The following VILL variants were observed in gnomAD, a reference collection of about 807,000 sequenced individuals.
VILL encodes the protein villin like.
VILL carries 102 observed loss-of-function variants against 106.3 expected under a neutral mutation model. The ratio of observed to expected loss-of-function variants is 0.96; its 90% CI spans 0.82 to 1.13. The LOEUF is 1.13. VILL is among the 50% of genes most tolerant of loss of function. VILL has a pLI of 0.00. For synonymous variants in VILL, 431 were observed against 440.3 expected, an observed-to-expected ratio of 0.98 and a Z score of 0.27; for missense variants, 1,076 against 1,116.6, an observed-to-expected ratio of 0.96 and a Z score of 0.52.
At chr3:37,993,459 A>G in intron 1 of VILL, 128 bp from the exon 2 acceptor site, 3 of 576,186 alleles carry the variant, frequency 5.2e-6, no homozygotes, top group Non-Finnish European at 9.2e-6. Flanking sequence ...GTTTATGCCT[A>G]ATCTGCCCAA....
intron 15 of VILL, 116 bp from the exon 16 acceptor site, chr3:38,004,139 G>GGCC: frequency 7.1e-7 from 1 of 1,405,382 alleles, no homozygotes; most frequent in East Asian, 2.4e-5. Flanking sequence ...CTCAGAGGAG[G>GGCC]GCCCAGGGCT....
chr3:37,999,145 C>T (rs892084530), intron 10 of VILL, 95 bp downstream of exon 10: 72 of 51,664 alleles, frequency 1.4e-3, no homozygotes, highest in Middle Eastern at 4.1e-3. Flanking sequence ...GGTGAGCGGG[C>T]GGGGCGGGGC....
chr3:37,994,448 A>G lies in VILL; in HGVS notation c.323A>G (p.Tyr108Cys). Reference sequence around the variant, plus strand: ...CACGAGTCCGACTGCTTCTGCAGCTACTTCCGCCCGGGAATCATGTGAGTG... The same window carrying G: ...CACGAGTCCGACTGCTTCTGCAGCTGCTTCCGCCCGGGAATCATGTGAGTG... ...QGHESDCFCS[Y>C]FRPGIIYRKG... Residue 108 changes from tyrosine (Y) to cysteine (C), a missense_variant, in exon 4 of 20, where the codon TAC (tyrosine) becomes TGC (cysteine). Physicochemically the swap from Tyr to Cys is radical, Grantham distance 194. Transcript: ENST00000383759. The G allele has an allele frequency of 6.2e-7, 1 of 1,612,462 alleles. No homozygotes were observed. The highest frequency in any genetic ancestry group is 8.5e-7 in the Non-Finnish European group (1 of 1,179,810).
chr3:37,994,824 TG>T (rs1367066085), intron 4 of VILL, among the ~76,000 whole-genome samples: 3 of 152,280 alleles, frequency 2.0e-5, no homozygotes, highest in Admixed American at 2.0e-4. Flanking sequence ...CTTCCGGGCA[TG>T]TCATAGAAAT....
intron 13 of VILL, 161 bp downstream of exon 13, chr3:38,002,021 C>A: frequency 8.2e-7 from 1 of 1,218,488 alleles, no homozygotes; most frequent in Non-Finnish European, 1.1e-6. Flanking sequence ...AAGGTTGGCC[C>A]CCTGCCTGAG....
In VILL at chr3:37,993,664, T is replaced by C. The variant is rs371390712; in HGVS notation, c.-9T>C. 2.6e-5 allele frequency: 42 copies of C among 1,613,632 alleles called. No individual in the cohort carries two copies. The African/African-American group carries it at 5.3e-4, about 21-fold the overall frequency. On this transcript the variant is annotated 5_prime_UTR_variant, in exon 2 of 20. Coordinates refer to ENST00000383759, the MANE Select transcript of VILL (RefSeq NM_015873.4). ...CCTTGTGTCGTCCCATATTCCTGCC[T>C]GGCCTGCGATGGACATCAGCAAGGG... is the stretch of plus-strand genomic sequence containing the variant.
chr3:38,006,440 T>C lies in VILL; in HGVS notation c.2206-9T>C, dbSNP rs1445551617. On this transcript the variant is annotated splice_polypyrimidine_tract_variant and intron_variant, in intron 18 of 19. Coordinates refer to ENST00000383759, the MANE Select transcript of VILL (RefSeq NM_015873.4). ...CATCTTCCCCAGCCTGAGGCTCCTC[T>C]CTGGACAGGAAGTCAACAACTTGCG... is the stretch of plus-strand genomic sequence containing the variant. The C allele has an allele frequency of 7.5e-6, 12 of 1,592,752 alleles. No individual in the cohort carries two copies. Among genetic ancestry groups the C allele is most frequent in the African/African-American group, 4.0e-5 (3 of 74,460 alleles).
Position 37,997,740 on chromosome 3 carries a change from C to A in VILL, c.764+55C>A. Reference sequence around the variant, plus strand: ...GTGGGACAGTCCAGGACTCTGTGTCCATCACTACTGCAATAACACGGCATC... The same window carrying A: ...GTGGGACAGTCCAGGACTCTGTGTCAATCACTACTGCAATAACACGGCATC... On this transcript the variant is annotated intron_variant, in intron 7 of 19. Coordinates refer to ENST00000383759, the MANE Select transcript of VILL (RefSeq NM_015873.4). The surrounding 1 kb of genome is among the most constrained non-coding windows in gnomAD (Gnocchi z 4.7). The A allele has an allele frequency of 6.4e-7, 1 of 1,550,506 alleles. No individual in the cohort carries two copies. The highest frequency in any genetic ancestry group is 8.7e-7 in the Non-Finnish European group (1 of 1,144,524).
chr3:38,005,720 G>A (rs9311175), intron 16 of VILL, 72 bp from the exon 17 acceptor site: 2 of 1,494,210 alleles, frequency 1.3e-6, no homozygotes, highest in East Asian at 2.3e-5. Flanking sequence ...ACTGGACAGG[G>A]AGTGGACAGG....
intron 15 of VILL, 62 bp downstream of exon 15, chr3:38,003,375 G>C: frequency 3.3e-5 from 49 of 1,485,548 alleles, no homozygotes; most frequent in Non-Finnish European, 3.8e-5. Flanking sequence ...AGAGAGGAGG[G>C]TGGGTGACTG....
chr3:37,991,444 A>G (rs1421963152), intron 1 of VILL, among the ~76,000 whole-genome samples: 7 of 148,406 alleles, frequency 4.7e-5, no homozygotes, highest in Non-Finnish European at 1.5e-5. Context: ...GGAAAGGAGG[A>G]GGTGCCTGGG....
rs2125532797 is a variant in VILL, at chr3:37,998,096, T to C, written c.771T>C (p.Tyr257=). ...QKANVRLYHV[Y]EKGKDLVVLE... ...TGGGTTCCTGTCCCCCCAGTGTCTA[T>C]GAGAAGGGCAAAGACCTGGTGGTCC... is the stretch of plus-strand genomic sequence containing the variant. Residue 257 remains tyrosine, a synonymous_variant, in exon 8 of 20, where the codon TAT becomes TAC. Transcript: ENST00000383759. The surrounding 1 kb of genome is among the most constrained non-coding windows in gnomAD (Gnocchi z 4.1). The C allele has an allele frequency of 6.2e-7, 1 of 1,610,056 alleles. No homozygotes were observed. Among genetic ancestry groups the C allele is most frequent in the Non-Finnish European group, 8.5e-7 (1 of 1,178,116 alleles).
Position 38,002,321 on chromosome 3 carries a change from G to T in VILL, c.1480-75G>T, listed in dbSNP as rs575251986. 6.8e-4 allele frequency: 968 copies of T among 1,425,220 alleles called. 1 individual carries two copies. The highest frequency in any genetic ancestry group is 8.8e-4 in the Non-Finnish European group (926 of 1,058,120). 88.3% of individuals were successfully genotyped at this position (1,425,220 alleles called of 1,614,324 possible). On this transcript the variant is annotated intron_variant, in intron 13 of 19. Transcript: ENST00000383759. ...CAAGCAAGGGTCCCTGAGCTCTGAG[G>T]CAATATGTCCCACACTGGGACAGGA...
chr3:38,001,418 GAGC>G, intron 11 of VILL, 35 bp from the exon 12 acceptor site: 1 of 1,607,974 alleles, frequency 6.2e-7, no homozygotes, highest in Non-Finnish European at 8.5e-7. Context: ...GGTTCAGGAA[GAGC>G]AGCCACCTGT....
In VILL at chr3:38,003,265, A is replaced by T. The variant is rs771172277; in HGVS notation, c.1757A>T (p.His586Leu). The change falls in exon 15 of 20, where the codon CAC (histidine) becomes CTC (leucine). Residue 586 changes from histidine to leucine, a missense_variant. Physicochemically the swap from His to Leu is moderately conservative, Grantham distance 99. Transcript: ENST00000383759. ...ETVLEGQEPP[H>L]FWEALGGRAP... Reference sequence around the variant, plus strand: ...GTGCTGGAGGGTCAGGAGCCTCCCCACTTCTGGGAGGCCCTGGGAGGCCGG... The same window carrying T: ...GTGCTGGAGGGTCAGGAGCCTCCCCTCTTCTGGGAGGCCCTGGGAGGCCGG... 2 of 1,613,604 alleles carry T rather than the reference A, an allele frequency of 1.2e-6. No homozygotes were observed. Among genetic ancestry groups the T allele is most frequent in the Non-Finnish European group, 1.7e-6 (2 of 1,179,802 alleles).
Position 38,003,628 on chromosome 3 carries a change from C to T in VILL, c.1805+315C>T, listed in dbSNP as rs558721614. 5.9e-5 allele frequency: 22 copies of T among 370,376 alleles called. No homozygotes were observed. The East Asian group carries it at 7.3e-4, about 12-fold the overall frequency. The allele number at this position is 370,376 out of a possible 1,614,324, so 22.9% of individuals were successfully genotyped here. Reference sequence around the variant, plus strand: ...CCCACCCTACAGTCCTCAGGGATCACGGTGCCCAGTGTGTGTGTATACAGT... The same window carrying T: ...CCCACCCTACAGTCCTCAGGGATCATGGTGCCCAGTGTGTGTGTATACAGT... On this transcript the variant is annotated intron_variant, in intron 15 of 19. Transcript: ENST00000383759.
intron 18 of VILL, 76 bp downstream of exon 18, chr3:38,006,328 G>A: frequency 1.2e-6 from 2 of 1,608,880 alleles, no homozygotes; most frequent in Non-Finnish European, 1.7e-6. Context: ...CAGGGGAAGT[G>A]CCAGGCCCTT....
upstream of VILL, among the ~76,000 whole-genome samples, chr3:37,989,333 G>A (rs1050673604): frequency 9.9e-5 from 15 of 152,180 alleles, no homozygotes; most frequent in South Asian, 8.3e-4. Context: ...GGCAAGGTTC[G>A]GGGGAGTTGG....
chr3:37,994,335 G>C lies in VILL; in HGVS notation c.210G>C (p.Ala70=). Residue 70 remains alanine, a synonymous_variant, in exon 4 of 20, where the codon GCG becomes GCC. Transcript: ENST00000383759. ...ACTGGGTCGGGAAGCAGGCGGGTGC[G>C]GAAGCGCAGGGCGCTGCGGAGGCCT... is the stretch of plus-strand genomic sequence containing the variant. ...LHYWVGKQAG[A]EAQGAAEAFQ... is the part of the protein sequence containing the mutation. The C allele has an allele frequency of 6.2e-7, 1 of 1,611,298 alleles. No individual in the cohort carries two copies. Among genetic ancestry groups the C allele is most frequent in the Admixed American group, 1.7e-5 (1 of 59,944 alleles).
Sources: gnomAD v4.1 joint callset for allele counts (sites outside exome capture counted in the v4.1 genomes callset) on GRCh38, gnomAD v4.1.1 for gene constraint, Gnocchi (gnomAD v3.1) non-coding constraint, MANE v1.5 for transcripts, NCBI Gene and HGNC (gene_info 2026-07-23, HGNC 2026-07-21) for gene names.